The following KLHL1 variants were observed in gnomAD, a reference collection of about 807,000 sequenced individuals.
The protein encoded by KLHL1 is kelch like family member 1, also known as kelch-like protein 1.
Under a neutral mutation model 77.7 loss-of-function variants are expected in KLHL1, and 47 were observed. The observed-to-expected ratio is 0.60, with a 90% CI of 0.48 to 0.77. KLHL1 has a LOEUF of 0.77. Ranked by LOEUF, KLHL1 falls within the 30% of genes least tolerant of loss-of-function variation. The pLI is 0.00. For missense variants in KLHL1, 925 were observed against 910.8 expected (o/e 1.02, Z -0.20); for synonymous variants, 360 against 325.2 (o/e 1.11, Z -1.15).
chr13:69,790,220 A>C (rs1297186300), intron 7 of KLHL1, among the ~76,000 whole-genome samples: 1 of 151,920 alleles, frequency 6.6e-6, no homozygotes, highest in African/African-American at 2.4e-5. Flanking sequence ...TCAAATATCT[A>C]CTAATAATAA....
At chr13:70,106,321 T>C (rs976990720) in intron 1 of KLHL1, among the ~76,000 whole-genome samples, 6 of 152,190 alleles carry the variant, frequency 3.9e-5, no homozygotes, top group Admixed American at 1.3e-4. Flanking sequence ...TAAATGCAAA[T>C]CATTTCATAT....
chr13:69,782,035 T>C (rs1471658880), intron 7 of KLHL1, among the ~76,000 whole-genome samples: 1 of 152,222 alleles, frequency 6.6e-6, no homozygotes, highest in African/African-American at 2.4e-5. Flanking sequence ...TTCTTTTCTC[T>C]CTTTTGATAA....
intron 1 of KLHL1, among the ~76,000 whole-genome samples, chr13:70,029,260 A>G (rs1886031381): frequency 6.6e-6 from 1 of 152,096 alleles, no homozygotes; most frequent in South Asian, 2.1e-4. Flanking sequence ...AAATGGCTGA[A>G]TATATGGGCA....
chr13:69,712,178 TATCTTCTGAA>T (rs1875906715), intron 9 of KLHL1, among the ~76,000 whole-genome samples: 1 of 152,252 alleles, frequency 6.6e-6, no homozygotes, highest in Middle Eastern at 3.4e-3. Context: ...CTCTAAATGG[TATCTTCTGAA>T]GACATTTTAC....
intron 1 of KLHL1, among the ~76,000 whole-genome samples, chr13:70,029,779 A>G (rs1363978692): frequency 6.6e-6 from 1 of 152,238 alleles, no homozygotes. Flanking sequence ...TAAATGGGCT[A>G]AATGCTCCAA....
chr13:70,007,475 G>A (rs554827620), intron 1 of KLHL1, among the ~76,000 whole-genome samples: 39 of 151,182 alleles, frequency 2.6e-4, no homozygotes, highest in African/African-American at 9.4e-4. Context: ...ACTTATTAAA[G>A]TGAAATTCAA....
intron 8 of KLHL1, among the ~76,000 whole-genome samples, chr13:69,729,360 C>G (rs1281357474): frequency 1.3e-5 from 2 of 152,080 alleles, no homozygotes; most frequent in African/African-American, 2.4e-5. Context: ...TTGGTTTTTT[C>G]TTCCACAAGA....
In KLHL1 at chr13:70,075,387, T is replaced by C. The variant is rs952623165; in HGVS notation, c.497+31816A>G. Among the ~76,000 whole-genome samples, 141 of 151,040 alleles carry C rather than the reference T, an allele frequency of 9.3e-4. 1 individual carries two copies. Among genetic ancestry groups the C allele is most frequent in the Non-Finnish European group, 1.8e-3 (120 of 67,780 alleles). On this transcript the variant is annotated intron_variant, in intron 1 of 10. Coordinates refer to ENST00000377844, the MANE Select transcript of KLHL1 (RefSeq NM_020866.3). ...AATTGAAAAGGAAGCAATAAATCTA[T>C]CTTTGCTCACAGATAACATAATTTT...
chr13:69,910,156 G>A (rs1468378659), intron 4 of KLHL1, among the ~76,000 whole-genome samples: 1 of 151,964 alleles, frequency 6.6e-6, no homozygotes, highest in Non-Finnish European at 1.5e-5. Context: ...ACAACACTTG[G>A]CATATGGTCA....
intron 4 of KLHL1, among the ~76,000 whole-genome samples, chr13:69,883,126 T>G (rs1282188491): frequency 6.6e-6 from 1 of 152,220 alleles, no homozygotes; most frequent in Non-Finnish European, 1.5e-5. Context: ...CCTAACTCTA[T>G]TCTTAGCTTC....
Position 70,107,889 on chromosome 13 carries a change from C to A in KLHL1, c.-190G>T. 2 of 532,658 alleles carry A rather than the reference C, an allele frequency of 3.8e-6. No homozygotes were observed. Among genetic ancestry groups the A allele is most frequent in the Non-Finnish European group, 6.5e-6 (2 of 307,702 alleles). The allele number at this position is 532,658 out of a possible 1,614,324, so 33.0% of individuals were successfully genotyped here. A position where few individuals can be genotyped will look rare whatever the true frequency, so the allele number is the denominator to read the frequency against. On this transcript the variant is annotated 5_prime_UTR_variant, in exon 1 of 11. Transcript: ENST00000377844. ...GGCTGGAGCGCAGACGGCAAAGCCG[C>A]GCGTTTCAGCCGTGGTCGGGTCCGC... is the stretch of plus-strand genomic sequence containing the variant.
intron 3 of KLHL1, among the ~76,000 whole-genome samples, chr13:69,949,304 C>T (rs1359117163): frequency 3.3e-5 from 5 of 151,288 alleles, no homozygotes; most frequent in African/African-American, 7.3e-5. Context: ...CTCTAGGCTG[C>T]GGAAGTTTTC....
At chr13:69,938,111 G>C (rs184482436) in intron 4 of KLHL1, among the ~76,000 whole-genome samples, 3 of 152,046 alleles carry the variant, frequency 2.0e-5, no homozygotes, top group Admixed American at 2.0e-4. Context: ...GATTGGACAA[G>C]GATCAGAGGC....
At chr13:69,992,976 A>C (rs1885063002) in intron 1 of KLHL1, among the ~76,000 whole-genome samples, 1 of 152,046 alleles carries the variant, frequency 6.6e-6, no homozygotes, top group South Asian at 2.1e-4. Flanking sequence ...CTGAAATTTT[A>C]AAATCATATT....
chr13:69,797,898 T>A (rs1442992991), intron 6 of KLHL1, among the ~76,000 whole-genome samples: 1 of 151,764 alleles, frequency 6.6e-6, no homozygotes, highest in Admixed American at 6.6e-5. Flanking sequence ...TCCTGAACAA[T>A]CATGTTAGAA....
intron 4 of KLHL1, chr13:69,894,252 T>A (rs1324802433): frequency 6.5e-6 from 1 of 154,414 alleles, no homozygotes; most frequent in Non-Finnish European, 1.5e-5. Flanking sequence ...GATGGAGTTG[T>A]CCAGGATTGT....
chr13:70,066,752 A>G (rs997906121), intron 1 of KLHL1, among the ~76,000 whole-genome samples: 1 of 152,214 alleles, frequency 6.6e-6, no homozygotes, highest in African/African-American at 2.4e-5. Context: ...TTTGCCTAGC[A>G]CATCACAGCC....
chr13:69,750,482 C>T (rs1467916762), intron 7 of KLHL1, among the ~76,000 whole-genome samples: 2 of 151,056 alleles, frequency 1.3e-5, no homozygotes, highest in Non-Finnish European at 3.0e-5. Flanking sequence ...AAAAATTTTC[C>T]AGTGAGATAT....
intron 1 of KLHL1, among the ~76,000 whole-genome samples, chr13:69,990,009 T>C (rs951924868): frequency 6.6e-6 from 1 of 151,904 alleles, no homozygotes; most frequent in Non-Finnish European, 1.5e-5. Flanking sequence ...CAGAGGAGAT[T>C]TGAGGCCTAT....
Sources: allele counts gnomAD v4.1 joint callset (sites outside exome capture counted in the v4.1 genomes callset), GRCh38; gene constraint gnomAD v4.1.1; transcripts MANE v1.5; gene names NCBI Gene and HGNC (gene_info 2026-07-23, HGNC 2026-07-21).